The following MYO10 variants were observed in gnomAD, a reference collection of about 807,000 sequenced individuals.
MYO10 encodes the protein myosin X, also known as unconventional myosin-X.
MYO10 carries 133 observed loss-of-function variants against 257.3 expected under a neutral mutation model. The ratio of observed to expected loss-of-function variants is 0.52; its 90% CI spans 0.45 to 0.60. MYO10 has a LOEUF of 0.60. Ranked by LOEUF, MYO10 falls within the 20% of genes least tolerant of loss-of-function variation. The pLI is 0.00. For synonymous variants in MYO10, 1,104 were observed against 1,028.6 expected (o/e 1.07, Z -1.40); for missense variants, 2,399 against 2,635.7 (o/e 0.91, Z 1.97).
Position 16,756,941 on chromosome 5 carries a change from A to G in MYO10, c.1848+1177T>C, listed in dbSNP as rs1411117921. On this transcript the variant is annotated intron_variant, in intron 18 of 40. Coordinates refer to ENST00000513610, the MANE Select transcript of MYO10 (RefSeq NM_012334.3). ...CATAATAAGACCCCATCTCAGTAAA[A>G]CATCTAAAAATTAGCCGGGTATGAA... Among the ~76,000 whole-genome samples, 7 of 151,922 alleles carry G rather than the reference A, an allele frequency of 4.6e-5. No individual in the cohort carries two copies. In the South Asian group the frequency reaches 1.2e-3, roughly 27 times the overall value.
chr5:16,727,795 C>T (rs943538576), intron 19 of MYO10, among the ~76,000 whole-genome samples: 2 of 150,932 alleles, frequency 1.3e-5, no homozygotes, highest in African/African-American at 4.9e-5. Context: ...ACAGAGCCAG[C>T]GCTGAGGACA....
At chr5:16,784,845 GCTGGGTGCAGGGGTCCCAGGGAT>G (rs1741526486) in intron 4 of MYO10, among the ~76,000 whole-genome samples, 2 of 152,332 alleles carry the variant, frequency 1.3e-5, no homozygotes, top group African/African-American at 2.4e-5. Context: ...AACATGCCGG[GCTGGGTGCAGGGGTCCCAGGGAT>G]CTCCACTGGT....
chr5:16,807,079 G>C (rs1406918490), intron 3 of MYO10, among the ~76,000 whole-genome samples: 1 of 152,208 alleles, frequency 6.6e-6, no homozygotes, highest in Non-Finnish European at 1.5e-5. Flanking sequence ...AAAGGGAAGA[G>C]TTGTTAAGAA....
Position 16,703,013 on chromosome 5 carries a change from A to G in MYO10, c.2422T>C (p.Tyr808His). ...QLRGQIARRVYRQLLAEKREQ... is the reference protein window; with the variant it reads ...QLRGQIARRVHRQLLAEKREQ... ...CTTTTCTCTGCCAGCAATTGTCTGT[A>G]AACTCTCCGAGCAATCTGACCTCTG... The change falls in exon 23 of 41, where the codon TAC becomes CAC. Residue 808 changes from tyrosine (Y) to histidine (H), a missense_variant. Coordinates refer to ENST00000513610, the MANE Select transcript of MYO10 (RefSeq NM_012334.3). 1 of 1,552,490 alleles carries G rather than the reference A, an allele frequency of 6.4e-7. No individual in the cohort carries two copies. Among genetic ancestry groups the G allele is most frequent in the Non-Finnish European group, 8.7e-7 (1 of 1,147,204 alleles).
intron 38 of MYO10, among the ~76,000 whole-genome samples, chr5:16,671,202 C>G (rs1477115512): frequency 6.6e-6 from 1 of 152,200 alleles, no homozygotes; most frequent in Non-Finnish European, 1.5e-5. Context: ...CTTGTGCTCT[C>G]TCTCCTGTCA....
At chr5:16,792,157 A>AGAGAGAGAGAGAGG (rs1560987026) in intron 4 of MYO10, among the ~76,000 whole-genome samples, 57 of 144,322 alleles carry the variant, frequency 3.9e-4, no homozygotes, top group African/African-American at 1.4e-3. Context: ...AGAGAGAGAG[A>AGAGAGAGAGAGAGG]GAGAGAGGGA....
chr5:16,690,423 TA>T (rs1453159500), intron 27 of MYO10, among the ~76,000 whole-genome samples: 1 of 152,134 alleles, frequency 6.6e-6, no homozygotes, highest in African/African-American at 2.4e-5. Flanking sequence ...AGACACCCTC[TA>T]GGGGGAGCCA....
intron 3 of MYO10, among the ~76,000 whole-genome samples, chr5:16,795,627 C>T (rs1412430342): frequency 6.6e-6 from 1 of 151,970 alleles, no homozygotes; most frequent in Non-Finnish European, 1.5e-5. Flanking sequence ...GTGGTTGGTA[C>T]TTGTGGATGC....
At chr5:16,678,670 G>A (rs1015572879) in intron 33 of MYO10, among the ~76,000 whole-genome samples, 6 of 152,332 alleles carry the variant, frequency 3.9e-5, no homozygotes, top group Non-Finnish European at 5.9e-5. Context: ...GGAATCAGGA[G>A]GCCAATTTGA....
chr5:16,774,128 A>G (rs993751393), intron 9 of MYO10, among the ~76,000 whole-genome samples: 1 of 152,162 alleles, frequency 6.6e-6, no homozygotes, highest in Non-Finnish European at 1.5e-5. Context: ...GACTGAAAAA[A>G]CCATGGGAAA....
In MYO10 at chr5:16,818,101, C is replaced by T. The variant is rs1461659221; in HGVS notation, c.187G>A (p.Glu63Lys). ...AAGGACGCCATGTCATCCACGCCCT[C>T]CTCGTTCGTGGGGTGCATAGCAGTC... Reference protein sequence around the residue: ...KVTAMHPTNEEGVDDMASLTE... With the variant: ...KVTAMHPTNEKGVDDMASLTE... The change falls in exon 3 of 41, where the codon GAG (glutamate) becomes AAG (lysine). Residue 63 changes from glutamate to lysine, a missense_variant. Glu to Lys is a moderately conservative substitution (Grantham distance 56, BLOSUM62 1). Around this residue, in one of 3 missense-constraint regions of MYO10, gnomAD observed 242 missense variants for 249.5 expected, o/e 0.97. Coordinates refer to ENST00000513610, the MANE Select transcript of MYO10 (RefSeq NM_012334.3). The T allele has an allele frequency of 1.2e-6, 2 of 1,611,862 alleles. No homozygotes were observed. Among genetic ancestry groups the T allele is most frequent in the Non-Finnish European group, 1.7e-6 (2 of 1,178,582 alleles).
intron 1 of MYO10, among the ~76,000 whole-genome samples, chr5:16,887,424 G>C (rs1744925503): frequency 6.6e-6 from 1 of 152,194 alleles, no homozygotes; most frequent in Non-Finnish European, 1.5e-5. Context: ...ATAAATGTGT[G>C]ATTCTGTAAA....
rs1424285810 is a variant in MYO10 at position 16,664,929 on chromosome 5, C to G, written c.*1763G>C. ...AGACACTGAAACCATAGCATTAACA[C>G]CAAAAAGCCGGCCGGGTGCGGTAGC... On this transcript the variant is annotated 3_prime_UTR_variant, in exon 41 of 41. Transcript: ENST00000513610. 1 of 152,230 alleles carries G rather than the reference C, an allele frequency of 6.6e-6. No homozygotes were observed. The highest frequency in any genetic ancestry group is 2.4e-5 in the African/African-American group (1 of 41,404). 9.4% of individuals were successfully genotyped at this position (152,230 alleles called of 1,614,324 possible). A position where few individuals can be genotyped will look rare whatever the true frequency, so the allele number is the denominator to read the frequency against.
chr5:16,812,689 T>C (rs1742476930), intron 3 of MYO10, among the ~76,000 whole-genome samples: 2 of 152,158 alleles, frequency 1.3e-5, no homozygotes, highest in African/African-American at 2.4e-5. Context: ...AATAAACACT[T>C]GTTGCTATGA....
chr5:16,679,464 T>C (rs56182140), intron 33 of MYO10, among the ~76,000 whole-genome samples: 3,692 of 152,054 alleles, frequency 0.024, 73 homozygotes, highest in Non-Finnish European at 0.04. Flanking sequence ...AGTTTCTCAT[T>C]TAGATTCCCG....
At chr5:16,790,133 G>A (rs1741709751) in intron 4 of MYO10, among the ~76,000 whole-genome samples, 1 of 151,770 alleles carries the variant, frequency 6.6e-6, no homozygotes, top group Admixed American at 6.6e-5. Flanking sequence ...TCTAGAAATA[G>A]AAAAAGACCA....
At chr5:16,832,516 A>T (rs1385515132) in intron 2 of MYO10, among the ~76,000 whole-genome samples, 1 of 152,190 alleles carries the variant, frequency 6.6e-6, no homozygotes, top group African/African-American at 2.4e-5. Context: ...TAAACATAGT[A>T]AGTTTCAGTC....
At chr5:16,705,438 A>G (rs1738286142) in intron 21 of MYO10, among the ~76,000 whole-genome samples, 1 of 152,206 alleles carries the variant, frequency 6.6e-6, no homozygotes, top group African/African-American at 2.4e-5. Flanking sequence ...TTGTATTAGA[A>G]TTCCTAGTTT....
chr5:16,792,801 T>C (rs1485944162), intron 4 of MYO10, among the ~76,000 whole-genome samples: 3 of 152,084 alleles, frequency 2.0e-5, no homozygotes, highest in Non-Finnish European at 2.9e-5. Context: ...TGGCTCTCCA[T>C]ATGTCTCCTG....
Sources: gnomAD v4.1 joint callset for allele counts (sites outside exome capture counted in the v4.1 genomes callset) on GRCh38, gnomAD v4.1.1 for gene constraint, gnomAD v4.1.1 regional missense constraint, MANE v1.5 for transcripts, NCBI Gene and HGNC (gene_info 2026-07-23, HGNC 2026-07-21) for gene names.